Variants in CADPS2 observed in about 807,000 individuals in gnomAD.
The protein encoded by CADPS2 is calcium dependent secretion activator 2.
CADPS2 carries 93 observed loss-of-function variants against 172.5 expected under a neutral mutation model. That is an observed-to-expected ratio of 0.54 (90% CI 0.46 to 0.64). The LOEUF (loss-of-function observed/expected upper bound fraction) is 0.64, where lower values mean the gene tolerates loss of function less well. CADPS2 is among the 30% of genes least tolerant of loss of function. CADPS2 has a pLI of 0.00. For synonymous variants in CADPS2, 546 were observed against 555.2 expected, an observed-to-expected ratio of 0.98 and a Z score of 0.23; for missense variants, 1,420 against 1,565.9, an observed-to-expected ratio of 0.91 and a Z score of 1.57.
At chr7:122,323,871 TTTTATATATATATATATATATATATATA>T (rs1563065257) in intron 29 of CADPS2, among the ~76,000 whole-genome samples, 4 of 117,130 alleles carry the variant, frequency 3.4e-5, no homozygotes, top group East Asian at 3.4e-4. Context: ...CATATGTATA[TTTTATATATATATATATATATATATATA>T]TATATATATA....
chr7:122,477,032 GGAGA>G, intron 12 of CADPS2, among the ~76,000 whole-genome samples: 1 of 99,804 alleles, frequency 1.0e-5, no homozygotes, highest in South Asian at 3.6e-4. Context: ...GGAGAGGAGA[GGAGA>G]GGAGAGGAGA....
At chr7:122,402,175 T>G (rs774625056) in intron 20 of CADPS2, among the ~76,000 whole-genome samples, 3 of 152,226 alleles carry the variant, frequency 2.0e-5, no homozygotes, top group Non-Finnish European at 4.4e-5. Flanking sequence ...TGATCCTTTC[T>G]GTACTCTTTA....
intron 25 of CADPS2, among the ~76,000 whole-genome samples, chr7:122,368,702 T>A (rs756903854): frequency 6.6e-6 from 1 of 152,212 alleles, no homozygotes; most frequent in Admixed American, 6.5e-5. Flanking sequence ...CTTAAAACTA[T>A]AAAAATGTTT....
At chr7:122,556,108 CTAAA>C (rs958162551) in intron 7 of CADPS2, among the ~76,000 whole-genome samples, 5 of 152,038 alleles carry the variant, frequency 3.3e-5, no homozygotes, top group African/African-American at 1.2e-4. Context: ...TAAGAACAAA[CTAAA>C]TGACATTTAC....
chr7:122,681,589 G>A (rs938687646), intron 2 of CADPS2: 116 of 1,490,846 alleles, frequency 7.8e-5, no homozygotes, highest in Non-Finnish European at 8.8e-5. Flanking sequence ...CGTGAAGCCC[G>A]CAAGGACCGA....
At chr7:122,809,402 T>C (rs1363272470) in intron 1 of CADPS2, among the ~76,000 whole-genome samples, 29 of 141,694 alleles carry the variant, frequency 2.0e-4, no homozygotes, top group Admixed American at 4.3e-4. Context: ...ACCCCATCTC[T>C]ACTAAAAAAA....
At chr7:122,822,335 C>A (rs1803560283) in intron 1 of CADPS2, among the ~76,000 whole-genome samples, 1 of 151,970 alleles carries the variant, frequency 6.6e-6, no homozygotes, top group Admixed American at 6.6e-5. Flanking sequence ...ACAAATGTTT[C>A]TTCTAATATC....
chr7:122,796,078 G>A (rs908981257), intron 1 of CADPS2, among the ~76,000 whole-genome samples: 5 of 152,024 alleles, frequency 3.3e-5, no homozygotes, highest in South Asian at 2.1e-4. Flanking sequence ...CAGTTAAGCC[G>A]AGAGCCAAAT....
chr7:122,506,237 G>C (rs1367136969), intron 9 of CADPS2, among the ~76,000 whole-genome samples: 1 of 152,104 alleles, frequency 6.6e-6, no homozygotes, highest in East Asian at 1.9e-4. Context: ...TCTGAACAAA[G>C]CTTATATAAT....
At chr7:122,621,017 C>T (rs757124072) in intron 5 of CADPS2, among the ~76,000 whole-genome samples, 3 of 151,910 alleles carry the variant, frequency 2.0e-5, no homozygotes, top group African/African-American at 4.8e-5. Flanking sequence ...AGCAATCCTC[C>T]GCCTCAGCCT....
intron 8 of CADPS2, among the ~76,000 whole-genome samples, chr7:122,524,958 G>T (rs907536404): frequency 6.6e-6 from 1 of 151,940 alleles, no homozygotes; most frequent in Non-Finnish European, 1.5e-5. Flanking sequence ...GACCAGCCTG[G>T]GCAACATGGC....
At chr7:122,779,877 A>G (rs1375957300) in intron 1 of CADPS2, among the ~76,000 whole-genome samples, 1 of 152,000 alleles carries the variant, frequency 6.6e-6, no homozygotes, top group Non-Finnish European at 1.5e-5. Context: ...AGTCCCATCC[A>G]TTGACTTCCT....
intron 1 of CADPS2, among the ~76,000 whole-genome samples, chr7:122,793,639 T>A (rs1438833634): frequency 6.6e-6 from 1 of 152,206 alleles, no homozygotes; most frequent in Non-Finnish European, 1.5e-5. Context: ...TCAAGGTTAG[T>A]ATTGATACGT....
At chr7:122,436,060 T>C (rs1457101978) in intron 17 of CADPS2, among the ~76,000 whole-genome samples, 1 of 152,042 alleles carries the variant, frequency 6.6e-6, no homozygotes, top group African/African-American at 2.4e-5. Flanking sequence ...GCAGAATGCC[T>C]ATAGTTAGCA....
rs1399901059 is a variant in CADPS2 at position 122,625,351 on chromosome 7, A to T, written c.868-3634T>A. On this transcript the variant is annotated intron_variant, in intron 4 of 29. Coordinates refer to ENST00000449022, the MANE Select transcript of CADPS2 (RefSeq NM_017954.11). ...AGGCATGAGCCACCGCATCTAGCCC[A>T]ATTAATTTTGTTTGTCAGTCTGGCT... 2.6e-5 allele frequency among the ~76,000 whole-genome samples: 4 copies of T among 152,170 alleles called. No homozygotes were observed. In the East Asian group the frequency reaches 7.7e-4, roughly 29 times the overall value.
chr7:122,511,966 C>T (rs964343043), intron 9 of CADPS2, among the ~76,000 whole-genome samples: 3 of 152,010 alleles, frequency 2.0e-5, no homozygotes, highest in African/African-American at 4.8e-5. Context: ...AACAGGTAAC[C>T]TTTTTCAAAG....
chr7:122,511,598 C>T (rs1418537711), intron 9 of CADPS2, among the ~76,000 whole-genome samples: 2 of 152,162 alleles, frequency 1.3e-5, no homozygotes, highest in African/African-American at 4.8e-5. Context: ...AAGACCTATG[C>T]TTGCTAAGTT....
chr7:122,636,592 A>G (rs1002817883), intron 3 of CADPS2, among the ~76,000 whole-genome samples: 2 of 151,220 alleles, frequency 1.3e-5, no homozygotes, highest in Admixed American at 1.3e-4. Flanking sequence ...CAGCTTCCCA[A>G]GTAGCTGGGA....
Position 122,407,425 on chromosome 7 carries a change from G to T in CADPS2, c.2746+115C>A, listed in dbSNP as rs1246210370. The T allele has an allele frequency of 4.4e-6, 5 of 1,134,014 alleles. No individual in the cohort carries two copies. The East Asian group carries it at 1.0e-4, about 23-fold the overall frequency. 70.2% of individuals were successfully genotyped at this position (1,134,014 alleles called of 1,614,324 possible). A position where few individuals can be genotyped will look rare whatever the true frequency, so the allele number is the denominator to read the frequency against. Reference sequence around the variant, plus strand: ...TCGGGCAGGCTGAGCAAACCTAAATGTTACCCATGCGAACTCTTGTCAGGC... The same window carrying T: ...TCGGGCAGGCTGAGCAAACCTAAATTTTACCCATGCGAACTCTTGTCAGGC... On this transcript the variant is annotated intron_variant, in intron 20 of 29. Transcript: ENST00000449022.
Sources: allele counts gnomAD v4.1 joint callset (sites outside exome capture counted in the v4.1 genomes callset), GRCh38; gene constraint gnomAD v4.1.1; transcripts MANE v1.5; gene names NCBI Gene and HGNC (gene_info 2026-07-23, HGNC 2026-07-21).